USP6: variants seen among roughly 807,000 people sequenced by gnomAD.
USP6 encodes the protein ubiquitin specific peptidase 6.
In USP6, 128 loss-of-function variants were observed where a neutral mutation model predicts 175.7. That is an observed-to-expected ratio of 0.73 (90% CI 0.63 to 0.84). The LOEUF is 0.84. USP6 is among the 40% of genes least tolerant of loss of function. USP6 has a pLI of 0.00. For missense variants in USP6, 1,498 were observed against 1,760.3 expected (o/e 0.85, Z 2.67); for synonymous variants, 562 against 630.6 (o/e 0.89, Z 1.63).
rs1312083800 is a variant in USP6, at chr17:5,173,824, T to G, written c.*846T>G. On this transcript the variant is annotated 3_prime_UTR_variant, in exon 38 of 38. Coordinates refer to ENST00000574788, the MANE Select transcript of USP6 (RefSeq NM_001304284.2). ...GCAGTTGCCAATATTTGCACCATCTTCACATGCACATGTTGCAACAAGAGC... is the reference window on the plus strand; with the variant it reads ...GCAGTTGCCAATATTTGCACCATCTGCACATGCACATGTTGCAACAAGAGC... 9.0e-6 allele frequency: 2 copies of G among 223,036 alleles called. No individual in the cohort carries two copies. The highest frequency in any genetic ancestry group is 2.2e-5 in the African/African-American group (1 of 44,788). 13.8% of individuals were successfully genotyped at this position (223,036 alleles called of 1,614,324 possible).
In USP6 at chr17:5,141,411, A is replaced by G. The variant is rs376292644; in HGVS notation, c.1499-14A>G. 34 of 1,597,816 alleles carry G rather than the reference A, an allele frequency of 2.1e-5. No individual in the cohort carries two copies. In the African/African-American group the frequency reaches 3.1e-4, roughly 15 times the overall value. ...ACAGATAAGAAATTAACACATTCCT[A>G]TCTGTCCTTCCAGTTCACAACAAAG... On this transcript the variant is annotated splice_polypyrimidine_tract_variant and intron_variant, in intron 22 of 37. Coordinates refer to ENST00000574788, the MANE Select transcript of USP6 (RefSeq NM_001304284.2).
chr17:5,139,942 A>G (rs1003442802), intron 22 of USP6, among the ~76,000 whole-genome samples: 1 of 151,974 alleles, frequency 6.6e-6, no homozygotes, highest in African/African-American at 2.4e-5. Context: ...TCCTTGTTTT[A>G]TTTTTTGTTA....
chr17:5,128,405 T>C (rs1303009430), intron 7 of USP6: 2 of 152,218 alleles, frequency 1.3e-5, no homozygotes, highest in Non-Finnish European at 2.9e-5. Flanking sequence ...AAAATACCAT[T>C]AAGTAATAGT....
At chr17:5,162,733 C>A (rs992073004) in intron 32 of USP6, 151 bp from the exon 33 acceptor site, 3 of 1,124,214 alleles carry the variant, frequency 2.7e-6, no homozygotes, top group Non-Finnish European at 3.6e-6. Flanking sequence ...AGTATCCTTA[C>A]ATTTATCAGA....
At position 5,170,861 on chromosome 17, in the gene USP6, T is replaced by C. The variant is rs758439221; in HGVS notation, c.3900T>C (p.Asp1300=). Residue 1300 remains aspartate (D), a synonymous_variant, in exon 36 of 38, where the codon GAT becomes GAC. Coordinates refer to ENST00000574788, the MANE Select transcript of USP6 (RefSeq NM_001304284.2). ...LGNHSEEDST[D]DQREDTHIKP... Reference sequence around the variant, plus strand: ...ACCACAGTGAAGAAGACAGCACTGATGACCAAAGAGAAGACACTCATATTA... The same window carrying C: ...ACCACAGTGAAGAAGACAGCACTGACGACCAAAGAGAAGACACTCATATTA... 7.0e-5 allele frequency: 113 copies of C among 1,612,636 alleles called. No homozygotes were observed. The highest frequency in any genetic ancestry group is 9.4e-5 in the Non-Finnish European group (111 of 1,179,882).
rs369282859 is a variant in USP6, at chr17:5,121,937, G to A, written c.-1299+187G>A. 2.9e-3 allele frequency among the ~76,000 whole-genome samples: 440 copies of A among 152,258 alleles called. 12 individuals are homozygous for A. In the South Asian group the frequency reaches 0.087, roughly 30 times the overall value. ...GGAGCCTTGAATGCCAAGTTAAAGC[G>A]TCTGGATTAGATCACGTAGGCAATG... is the stretch of plus-strand genomic sequence containing the variant. On this transcript the variant is annotated intron_variant, in intron 4 of 37. Coordinates refer to ENST00000574788, the MANE Select transcript of USP6 (RefSeq NM_001304284.2).
chr17:5,165,733 GAA>G (rs2144144674), intron 33 of USP6, among the ~76,000 whole-genome samples: 1 of 152,304 alleles, frequency 6.6e-6, no homozygotes, highest in Admixed American at 6.5e-5. Context: ...CTCTGAAAAA[GAA>G]GAGGGTTCCT....
At position 5,136,082 on chromosome 17, in the gene USP6, C is replaced by T. The variant is rs563268557; in HGVS notation, c.664+154C>T. ...CTCTGCTGAGGGTCCCACAGGAGTCCGCAGCTGACCCCCACAACCCAAGTC... is the reference window on the plus strand; with the variant it reads ...CTCTGCTGAGGGTCCCACAGGAGTCTGCAGCTGACCCCCACAACCCAAGTC... On this transcript the variant is annotated intron_variant, in intron 17 of 37. Coordinates refer to ENST00000574788, the MANE Select transcript of USP6 (RefSeq NM_001304284.2). Among the ~76,000 whole-genome samples the T allele has an allele frequency of 1.3e-5, 2 of 152,310 alleles. 1 individual carries two copies. The highest frequency in any genetic ancestry group is 4.1e-4 in the South Asian group (2 of 4,826).
At position 5,117,289 on chromosome 17, in the gene USP6, G is replaced by A. The variant is rs182150469; in HGVS notation, c.-1928+549G>A. Among the ~76,000 whole-genome samples the A allele has an allele frequency of 5.3e-4, 80 of 151,988 alleles. 1 individual carries two copies. The highest frequency in any genetic ancestry group is 5.0e-3 in the Admixed American group (77 of 15,280). Reference sequence around the variant, plus strand: ...TCCCAGCACTTTGGGAGGCCGAGGCGGGTGGATCATGAGGTCAGGAGTTTG... The same window carrying A: ...TCCCAGCACTTTGGGAGGCCGAGGCAGGTGGATCATGAGGTCAGGAGTTTG... On this transcript the variant is annotated intron_variant, in intron 1 of 37. Transcript: ENST00000574788.
rs568920599 is a variant in USP6, at chr17:5,163,516, C to A, written c.3036+512C>A. Among the ~76,000 whole-genome samples, 38 of 152,310 alleles carry A rather than the reference C, an allele frequency of 2.5e-4. No homozygotes were observed. In the South Asian group the frequency reaches 6.8e-3, roughly 27 times the overall value. ...GCACCAACCATTTATGAGAGTTTCA[C>A]CCCTGTGACCGAAACACCTCCTACT... On this transcript the variant is annotated intron_variant, in intron 33 of 37. Transcript: ENST00000574788.
intron 25 of USP6, 152 bp downstream of exon 25, chr17:5,142,654 G>C: frequency 1.5e-6 from 2 of 1,317,730 alleles, no homozygotes; most frequent in Non-Finnish European, 2.0e-6. Context: ...TCTTTTGCTT[G>C]TTTAAATATT....
Position 5,173,047 on chromosome 17 carries a change from A to G in USP6, c.*69A>G. On this transcript the variant is annotated 3_prime_UTR_variant, in exon 38 of 38. Coordinates refer to ENST00000574788, the MANE Select transcript of USP6 (RefSeq NM_001304284.2). ...GACTCCTTGTAGCTGATACTTGGCA[A>G]AAGTGTCACTGAAAGACAAGCTAAA... is the stretch of plus-strand genomic sequence containing the variant. 4 of 1,553,264 alleles carry G rather than the reference A, an allele frequency of 2.6e-6. No individual in the cohort carries two copies. The South Asian group carries it at 3.6e-5, about 14-fold the overall frequency.
rs2074202821 is a variant in USP6, at chr17:5,170,906, T to C, written c.3945T>C (p.Tyr1315=). Residue 1315 remains tyrosine (Y), a synonymous_variant, in exon 36 of 38, where the codon TAT becomes TAC. Coordinates refer to ENST00000574788, the MANE Select transcript of USP6 (RefSeq NM_001304284.2). ...ATATTAAGCCTATTTATAATCTATATGCAATTTCAGTAAGTGGTTTATTAT... is the reference window on the plus strand; with the variant it reads ...ATATTAAGCCTATTTATAATCTATACGCAATTTCAGTAAGTGGTTTATTAT... ...DTHIKPIYNL[Y]AISCHSGILS... 1 of 1,610,398 alleles carries C rather than the reference T, an allele frequency of 6.2e-7. No homozygotes were observed. The highest frequency in any genetic ancestry group is 1.7e-5 in the Admixed American group (1 of 59,974).
chr17:5,121,862 TG>T lies in USP6; in HGVS notation c.-1299+117del, dbSNP rs747442939. On this transcript the variant is annotated intron_variant, in intron 4 of 37. Transcript: ENST00000574788. ...CAGGAGGTGTGAATGTGGGAACCTG[TG>T]GGGGTTTGCAGGAGGTGAAACTGAC... The T allele has an allele frequency of 4.2e-3, 640 of 152,854 alleles. 3 individuals are homozygous for T. Among genetic ancestry groups the T allele is most frequent in the Non-Finnish European group, 5.8e-3 (394 of 68,122 alleles). The allele number at this position is 152,854 out of a possible 1,614,324, so 9.5% of individuals were successfully genotyped here.
At chr17:5,155,258 C>T (rs1428804401) in intron 30 of USP6, among the ~76,000 whole-genome samples, 164 bp from the exon 31 acceptor site, 6 of 152,118 alleles carry the variant, frequency 3.9e-5, no homozygotes, top group Admixed American at 1.3e-4. Context: ...CACTGTAAAC[C>T]GTTCTCTTTG....
Position 5,142,487 on chromosome 17 carries a change from C to T in USP6, c.1803C>T (p.Ala601=), listed in dbSNP as rs139072518. The change falls in exon 25 of 38, where the codon GCC becomes GCT. Residue 601 remains alanine, a synonymous_variant. Transcript: ENST00000574788. ...GGAGTGGAACTCAGAAGAGTGTTGC[C>T]CCATTAAAGCTTCGGGTAAGCAGGT... is the stretch of plus-strand genomic sequence containing the variant. The part of the protein sequence containing the change: ...ELWSGTQKSV[A]PLKLRRTIAK... 15 of 1,612,704 alleles carry T rather than the reference C, an allele frequency of 9.3e-6. No homozygotes were observed. In the African/African-American group the frequency reaches 1.1e-4, roughly 11 times the overall value.
rs1161139954 is a variant in USP6, at chr17:5,135,676, G to A, written c.544-132G>A. On this transcript the variant is annotated intron_variant, in intron 16 of 37. Transcript: ENST00000574788. ...TTTGCTCTTGTCATGAAATGAATTT[G>A]CATCCTGAGGAAGCCTCTTCTTCAG... is the stretch of plus-strand genomic sequence containing the variant. The A allele has an allele frequency of 3.8e-6, 6 of 1,579,246 alleles. No homozygotes were observed. In the African/African-American group the frequency reaches 4.0e-5, roughly 11 times the overall value.
chr17:5,131,992 C>G (rs2073082611), intron 11 of USP6, among the ~76,000 whole-genome samples: 1 of 152,074 alleles, frequency 6.6e-6, no homozygotes, highest in African/African-American at 2.4e-5. Flanking sequence ...CTTCCTTGAC[C>G]CTGGCGGGGT....
In USP6 at chr17:5,132,841, ACT is replaced by A; in HGVS notation, c.196-67_196-66del. On this transcript the variant is annotated intron_variant, in intron 12 of 37. Transcript: ENST00000574788. This position sits in a 1 kb window ranked among gnomAD's most constrained non-coding sequence, Gnocchi z 4.7. ...TCCCACCAGGGCTCCAGAGCCCAAGACTCAGCATCCATGGGCGGCTCTGGGAA... is the reference window on the plus strand; with the variant it reads ...TCCCACCAGGGCTCCAGAGCCCAAGACAGCATCCATGGGCGGCTCTGGGAA... 1.3e-6 allele frequency: 2 copies of A among 1,566,314 alleles called. No homozygotes were observed. Among genetic ancestry groups the A allele is most frequent in the Non-Finnish European group, 1.8e-6 (2 of 1,136,804 alleles).
Sources: allele counts gnomAD v4.1 joint callset (sites outside exome capture counted in the v4.1 genomes callset), GRCh38; gene constraint gnomAD v4.1.1; non-coding constraint Gnocchi (gnomAD v3.1); transcripts MANE v1.5; gene names NCBI Gene and HGNC (gene_info 2026-07-23, HGNC 2026-07-21).